The following OPA3 variants were observed in gnomAD, a reference collection of about 807,000 sequenced individuals.
OPA3 encodes the protein optic atrophy 3 protein.
A neutral mutation model predicts 4.0 loss-of-function variants in OPA3; 6 were observed. The ratio of observed to expected loss-of-function variants is 1.51; its 90% CI spans 0.83 to 2.99. The LOEUF (loss-of-function observed/expected upper bound fraction) is 2.99. Ranked by LOEUF, OPA3 falls within the 30% of genes most tolerant of loss-of-function variation. OPA3 has a pLI of 0.00. For missense variants in OPA3, 235 were observed against 256.2 expected, an observed-to-expected ratio of 0.92 and a Z score of 0.56; for synonymous variants, 105 against 117.1, an observed-to-expected ratio of 0.90 and a Z score of 0.67.
chr19:45,540,089 CAGG>C (rs1370860254), intron 1 of OPA3, among the ~76,000 whole-genome samples: 3 of 152,032 alleles, frequency 2.0e-5, no homozygotes, highest in Non-Finnish European at 4.4e-5. Context: ...GAGGCCGAGG[CAGG>C]TGGATCACGA....
intron 1 of OPA3, among the ~76,000 whole-genome samples, chr19:45,568,409 C>T (rs1016469696): frequency 2.0e-5 from 3 of 152,146 alleles, no homozygotes; most frequent in African/African-American, 4.8e-5. Context: ...AGGCTGGTCT[C>T]GAACTCCTGA....
Position 45,550,953 on chromosome 19 carries a change from C to CA in OPA3, c.*2560dup. ...AAGGCCAAATGGCCCGCGGGGTTGG[C>CA]AGGAGTCCCAGGGTACTTTTTTTCT... On this transcript the variant is annotated 3_prime_UTR_variant, in exon 2 of 2. Transcript: ENST00000263275. The CA allele has an allele frequency of 1.0e-5, 10 of 985,558 alleles. No individual in the cohort carries two copies. The highest frequency in any genetic ancestry group is 1.2e-5 in the Non-Finnish European group (10 of 830,028). The allele number at this position is 985,558 out of a possible 1,614,324, so 61.1% of individuals were successfully genotyped here. A position where few individuals can be genotyped will look rare whatever the true frequency, so the allele number is the denominator to read the frequency against.
At chr19:45,572,446 A>T (rs1969688527) in intron 1 of OPA3, among the ~76,000 whole-genome samples, 1 of 121,380 alleles carries the variant, frequency 8.2e-6, no homozygotes, top group Non-Finnish European at 1.6e-5. Context: ...ATGTATATCA[A>T]TATATGATAT....
intron 1 of OPA3, among the ~76,000 whole-genome samples, chr19:45,558,339 A>G (rs575046796): frequency 5.3e-5 from 8 of 152,246 alleles, no homozygotes; most frequent in African/African-American, 1.9e-4. Context: ...TCAAAAAAAG[A>G]AAAGAAAAGA....
chr19:45,555,521 C>T (rs1478462658), intron 1 of OPA3, among the ~76,000 whole-genome samples: 2 of 146,958 alleles, frequency 1.4e-5, no homozygotes, highest in African/African-American at 5.1e-5. Context: ...GATGGAGTCA[C>T]ACTCTGTCGC....
Position 45,551,754 on chromosome 19 carries a change from G to A in OPA3, c.*1760C>T, listed in dbSNP as rs75401979. 0.019 allele frequency: 19,018 copies of A among 985,550 alleles called. 225 individuals carry two copies. The highest frequency in any genetic ancestry group is 0.054 in the South Asian group (1,159 of 21,284). The allele number at this position is 985,550 out of a possible 1,614,324, so 61.1% of individuals were successfully genotyped here. On this transcript the variant is annotated 3_prime_UTR_variant, in exon 2 of 2. Coordinates refer to ENST00000263275, the MANE Select transcript of OPA3 (RefSeq NM_025136.4). The stretch of plus-strand genomic sequence containing the variant: ...GGATGGGGGTGGGACCGGGGGCTAT[G>A]GAGGCAGGAGGGTACTGCTACATGA...
At chr19:45,572,515 T>TC (rs1969691916) in intron 1 of OPA3, among the ~76,000 whole-genome samples, 3 of 131,698 alleles carry the variant, frequency 2.3e-5, no homozygotes. Context: ...ATATCATATA[T>TC]GAGATATGAG....
chr19:45,555,576 C>T (rs750665519), intron 1 of OPA3, among the ~76,000 whole-genome samples: 12 of 152,150 alleles, frequency 7.9e-5, no homozygotes, highest in East Asian at 7.7e-4. Context: ...CTGCAAGCTC[C>T]GCCACCCGGG....
At chr19:45,534,409 A>T (rs1335307602) in intron 1 of OPA3, among the ~76,000 whole-genome samples, 1 of 151,722 alleles carries the variant, frequency 6.6e-6, no homozygotes, top group African/African-American at 2.4e-5. Flanking sequence ...TAAAAATACA[A>T]AACTTAGCCA....
Position 45,550,813 on chromosome 19 carries a change from G to C in OPA3, c.*2701C>G. 1.0e-6 allele frequency: 1 copy of C among 986,038 alleles called. No individual in the cohort carries two copies. The highest frequency in any genetic ancestry group is 1.1e-4 in the East Asian group (1 of 8,814). 61.1% of individuals were successfully genotyped at this position (986,038 alleles called of 1,614,324 possible). A position where few individuals can be genotyped will look rare whatever the true frequency, so the allele number is the denominator to read the frequency against. ...CTCCTCTAATGAGAGAGCTACAGTC[G>C]GAAGGACAGACTGCAGGCTACTGGG... On this transcript the variant is annotated 3_prime_UTR_variant, in exon 2 of 2. Coordinates refer to ENST00000263275, the MANE Select transcript of OPA3 (RefSeq NM_025136.4).
chr19:45,539,978 C>T (rs560962044), intron 1 of OPA3, among the ~76,000 whole-genome samples: 1 of 152,238 alleles, frequency 6.6e-6, no homozygotes, highest in Non-Finnish European at 1.5e-5. Flanking sequence ...GAGATGGTTG[C>T]ATAACCATGT....
chr19:45,541,383 T>C (rs1020322802), downstream of OPA3, among the ~76,000 whole-genome samples: 6 of 151,998 alleles, frequency 3.9e-5, no homozygotes, highest in Non-Finnish European at 8.8e-5. Context: ...GGGAGGTCCA[T>C]TGTTCTTGAC....
chr19:45,542,311 G>A (rs750875216), downstream of OPA3, among the ~76,000 whole-genome samples: 2 of 152,308 alleles, frequency 1.3e-5, no homozygotes, highest in East Asian at 1.9e-4. Context: ...TAGTACAGCC[G>A]TGCACTGCTT....
At chr19:45,567,389 C>A (rs947667839) in intron 1 of OPA3, among the ~76,000 whole-genome samples, 14 of 149,876 alleles carry the variant, frequency 9.3e-5, no homozygotes, top group Non-Finnish European at 2.1e-4. Context: ...TTGATACATT[C>A]AGCAAGAAGT....
At chr19:45,543,445 G>A (rs1223452893), downstream of OPA3, among the ~76,000 whole-genome samples, 3 of 150,526 alleles carry the variant, frequency 2.0e-5, no homozygotes, top group African/African-American at 4.9e-5. Context: ...CTCAGCCCCC[G>A]GAGTACCTGA....
intron 1 of OPA3, among the ~76,000 whole-genome samples, chr19:45,563,846 G>T (rs1052763118): frequency 6.7e-6 from 1 of 149,824 alleles, no homozygotes; most frequent in Non-Finnish European, 1.5e-5. Context: ...GAGCCACCGC[G>T]CCCGGCCTTT....
chr19:45,541,265 G>A (rs189422016), intron 1 of OPA3, among the ~76,000 whole-genome samples: 1 of 152,302 alleles, frequency 6.6e-6, no homozygotes, highest in Non-Finnish European at 1.5e-5. Context: ...GGTGAGGGCA[G>A]GGGGTGTCAG....
At chr19:45,540,232 G>A (rs192682817) in intron 1 of OPA3, among the ~76,000 whole-genome samples, 13 of 151,662 alleles carry the variant, frequency 8.6e-5, no homozygotes, top group South Asian at 2.1e-4. Context: ...CAGGAGAATC[G>A]CTTGAACCCA....
chr19:45,579,500 C>A (rs1405616637), intron 1 of OPA3, among the ~76,000 whole-genome samples: 1 of 152,122 alleles, frequency 6.6e-6, no homozygotes, highest in Non-Finnish European at 1.5e-5. Flanking sequence ...GGATTACAGG[C>A]ATGAGCCACT....
Sources: gnomAD v4.1 joint callset for allele counts (sites outside exome capture counted in the v4.1 genomes callset) on GRCh38, gnomAD v4.1.1 for gene constraint, MANE v1.5 for transcripts, NCBI Gene and HGNC (gene_info 2026-07-23, HGNC 2026-07-21) for gene names.